The following ABCC2 variants were observed in gnomAD, a reference collection of about 807,000 sequenced individuals.
ABCC2 encodes ATP binding cassette subfamily C member 2.
Under a neutral mutation model 173.4 loss-of-function variants are expected in ABCC2, and 157 were observed. That is an observed-to-expected ratio of 0.91 (90% CI 0.80 to 1.03). The LOEUF (loss-of-function observed/expected upper bound fraction) is 1.03, where lower values mean the gene tolerates loss of function less well. ABCC2 is among the 50% of genes least tolerant of loss of function. The pLI, the probability that ABCC2 is intolerant of heterozygous loss-of-function variation, is 0.00. For missense variants in ABCC2, 1,822 were observed against 1,852.3 expected (o/e 0.98, Z 0.30); for synonymous variants, 657 against 693.5 (o/e 0.95, Z 0.83).
chr10:99,805,588 G>C, intron 11 of ABCC2, 141 bp downstream of exon 11: 4 of 843,232 alleles, frequency 4.7e-6, no homozygotes, highest in Non-Finnish European at 8.2e-6. Context: ...ATGTCCTCCT[G>C]TCCCTCTCAG....
rs559500916 is a variant in ABCC2 at position 99,814,109 on chromosome 10, A to G, written c.2094+965A>G. ...TATATACACATATATATACACACAT[A>G]TGTGTATATACACACATATGTGTGT... On this transcript the variant is annotated intron_variant, in intron 16 of 31. Transcript: ENST00000647814. Among the ~76,000 whole-genome samples the G allele has an allele frequency of 6.4e-4, 91 of 141,718 alleles. 17 individuals carry two copies. Among genetic ancestry groups the G allele is most frequent in the African/African-American group, 1.5e-3 (56 of 38,066 alleles). 93.0% of individuals were successfully genotyped at this position (141,718 alleles called of 152,430 possible). A position where few individuals can be genotyped will look rare whatever the true frequency, so the allele number is the denominator to read the frequency against.
intron 25 of ABCC2, among the ~76,000 whole-genome samples, chr10:99,838,146 C>T (rs1277760507): frequency 4.6e-3 from 366 of 80,116 alleles, no homozygotes; most frequent in African/African-American, 0.016. Context: ...GCTGGCCGGG[C>T]GGGGGGCTGA....
chr10:99,814,630 T>TGTGTATATACACACAC lies in ABCC2; in HGVS notation c.2094+1486_2094+1487insGTGTATATACACACAC, dbSNP rs1564685673. 4.2e-5 allele frequency among the ~76,000 whole-genome samples: 4 copies of TGTGTATATACACACAC among 94,552 alleles called. 1 individual carries two copies. The highest frequency in any genetic ancestry group is 1.3e-4 in the African/African-American group (3 of 23,686). 62.0% of individuals were successfully genotyped at this position (94,552 alleles called of 152,430 possible). Reference sequence around the variant, plus strand: ...ATGTGTATATACACATATACACACATATGTGTATATACACATATACACACA... The same window carrying TGTGTATATACACACAC: ...ATGTGTATATACACATATACACACATGTGTATATACACACACATGTGTATATACACATATACACACA... On this transcript the variant is annotated intron_variant, in intron 16 of 31. Coordinates refer to ENST00000647814, the MANE Select transcript of ABCC2 (RefSeq NM_000392.5).
chr10:99,799,483 C>G, intron 8 of ABCC2, 113 bp downstream of exon 8: 11 of 1,299,848 alleles, frequency 8.5e-6, no homozygotes, highest in Non-Finnish European at 1.1e-5. Context: ...TAAAAATGCT[C>G]GTAATTTTCT....
intron 2 of ABCC2, among the ~76,000 whole-genome samples, chr10:99,787,375 T>C (rs753083533): frequency 3.9e-5 from 6 of 152,236 alleles, no homozygotes; most frequent in Non-Finnish European, 5.9e-5. Flanking sequence ...TTTGATTGGC[T>C]TCTTTCACTT....
At chr10:99,851,333 A>G (rs1205372973) in intron 31 of ABCC2, among the ~76,000 whole-genome samples, 169 bp from the exon 32 acceptor site, 1 of 152,228 alleles carries the variant, frequency 6.6e-6, no homozygotes, top group Non-Finnish European at 1.5e-5. Flanking sequence ...TTTGTTCAAT[A>G]TTATTTGCAG....
chr10:99,832,262 T>A (rs928558854), intron 23 of ABCC2, 131 bp downstream of exon 23: 2 of 1,196,688 alleles, frequency 1.7e-6, no homozygotes, highest in African/African-American at 3.0e-5. Context: ...TGCAAGTGTT[T>A]CTTGAGTACC....
intron 1 of ABCC2, 120 bp downstream of exon 1, chr10:99,782,997 G>C (rs1456799352): frequency 2.1e-6 from 2 of 949,422 alleles, no homozygotes; most frequent in African/African-American, 3.2e-5. Flanking sequence ...TTGGTCTAAA[G>C]CTCAGGCTTT....
chr10:99,846,915 T>C, intron 29 of ABCC2, 46 bp from the exon 30 acceptor site: 1 of 1,611,870 alleles, frequency 6.2e-7, no homozygotes, highest in South Asian at 1.1e-5. Context: ...TCCGAGGTCC[T>C]TTTCTGGCAT....
intron 23 of ABCC2, among the ~76,000 whole-genome samples, chr10:99,834,150 G>C (rs1008648267): frequency 6.6e-6 from 1 of 152,156 alleles, no homozygotes; most frequent in Non-Finnish European, 1.5e-5. Flanking sequence ...GCAAAGTGCT[G>C]GGATTACAGG....
At position 99,797,111 on chromosome 10, in the gene ABCC2, G is replaced by T. The variant is rs1190693560; in HGVS notation, c.647G>T (p.Gly216Val). 6 of 1,614,102 alleles carry T rather than the reference G, an allele frequency of 3.7e-6. No individual in the cohort carries two copies. The Admixed American group carries it at 1.0e-4, about 27-fold the overall frequency. Residue 216 changes from glycine (G) to valine (V), a missense_variant, in exon 7 of 32, where the codon GGC (glycine) becomes GTC (valine). Transcript: ENST00000647814. ...TCTTGTTCCAGCATCATTCTGAAAG[G>T]CTACAAGCGTCCTCTGACACTCGAG... ...YSWYDSIILK[G>V]YKRPLTLEDV...
At position 99,784,760 on chromosome 10, in the gene ABCC2, C is replaced by T; in HGVS notation, c.186C>T (p.Thr62=). 6.2e-7 allele frequency: 1 copy of T among 1,614,136 alleles called. No homozygotes were observed. Among genetic ancestry groups the T allele is most frequent in the Non-Finnish European group, 8.5e-7 (1 of 1,180,022 alleles). The change falls in exon 2 of 32, where the codon ACC becomes ACT. Residue 62 remains threonine, a synonymous_variant. Coordinates refer to ENST00000647814, the MANE Select transcript of ABCC2 (RefSeq NM_000392.5). Reference sequence around the variant, plus strand: ...CCAGGACCAAGAGATCCTCTACCACCAAACTCTATCTTGCTAAGCAGGTAA... The same window carrying T: ...CCAGGACCAAGAGATCCTCTACCACTAAACTCTATCTTGCTAAGCAGGTAA... ...YKSRTKRSST[T]KLYLAKQVFV...
At chr10:99,792,795 G>A (rs1042119279) in intron 3 of ABCC2, among the ~76,000 whole-genome samples, 1 of 152,098 alleles carries the variant, frequency 6.6e-6, no homozygotes, top group Admixed American at 6.6e-5. Context: ...TTTTTTCAGG[G>A]GGTGGGGCCT....
intron 24 of ABCC2, among the ~76,000 whole-genome samples, chr10:99,835,457 C>G (rs2038805491): frequency 6.6e-6 from 1 of 152,128 alleles, no homozygotes. Flanking sequence ...AATCTAGTAG[C>G]AGCACGGACC....
At position 99,831,616 on chromosome 10, in the gene ABCC2, G is replaced by A. The variant is rs779260559; in HGVS notation, c.2889G>A (p.Lys963=). 8.1e-6 allele frequency: 13 copies of A among 1,613,898 alleles called. No individual in the cohort carries two copies. In the South Asian group the frequency reaches 1.1e-4, roughly 14 times the overall value. ...TTGAGGTGGGGACTTTGCAGGTGAA[G>A]TTCTCCATCTACCTGGAGTACCTAC... ...KKEFIETGKV[K]FSIYLEYLQA... is the part of the protein sequence containing the mutation. The change falls in exon 22 of 32, where the codon AAG becomes AAA. Residue 963 remains lysine (K), a synonymous_variant. Coordinates refer to ENST00000647814, the MANE Select transcript of ABCC2 (RefSeq NM_000392.5).
intron 6 of ABCC2, among the ~76,000 whole-genome samples, chr10:99,795,297 A>G (rs1590144698): frequency 6.6e-6 from 1 of 152,378 alleles, no homozygotes; most frequent in East Asian, 1.9e-4. Context: ...GTGATTTAGT[A>G]ATACAAGTAC....
Position 99,784,651 on chromosome 10 carries a change from G to C in ABCC2, c.77G>C (p.Cys26Ser). The change falls in exon 2 of 32, where the codon TGT becomes TCT. Residue 26 changes from cysteine (C) to serine (S), a missense_variant. Cys to Ser is a moderately radical substitution (Grantham distance 112, BLOSUM62 -1). Coordinates refer to ENST00000647814, the MANE Select transcript of ABCC2 (RefSeq NM_000392.5). ...LDSPEADLPL[C>S]FEQTVLVWIP... ...AGTCCGGAGGCAGACCTGCCACTTTGTTTTGAGCAAACTGTTCTGGTGTGG... is the reference window on the plus strand; with the variant it reads ...AGTCCGGAGGCAGACCTGCCACTTTCTTTTGAGCAAACTGTTCTGGTGTGG... 6.2e-7 allele frequency: 1 copy of C among 1,614,190 alleles called. No individual in the cohort carries two copies. The highest frequency in any genetic ancestry group is 8.5e-7 in the Non-Finnish European group (1 of 1,180,040).
At position 99,801,265 on chromosome 10, in the gene ABCC2, C is replaced by T. The variant is rs11190290; in HGVS notation, c.1209+702C>T. ...GTTTTGGTTGTTTTTGAGATGGAGT[C>T]TCGCTCTATCACCGAGGCTGGAGTG... On this transcript the variant is annotated intron_variant, in intron 9 of 31. Coordinates refer to ENST00000647814, the MANE Select transcript of ABCC2 (RefSeq NM_000392.5). Among the ~76,000 whole-genome samples the T allele has an allele frequency of 3.5e-4, 53 of 152,174 alleles. No homozygotes were observed. In the East Asian group the frequency reaches 0.01, roughly 29 times the overall value.
Position 99,843,852 on chromosome 10 carries a change from C to T in ABCC2, c.3795C>T (p.Asn1265=), listed in dbSNP as rs1270598845. The part of the protein sequence containing the change: ...LVRMTSEIET[N]IVAVERITEY... The stretch of plus-strand genomic sequence containing the variant: ...GGATGACATCAGAAATAGAGACCAA[C>T]ATTGTGGCTGTTGAGCGAATAACTG... Residue 1265 remains asparagine (N), a synonymous_variant, in exon 27 of 32, where the codon AAC becomes AAT. Coordinates refer to ENST00000647814, the MANE Select transcript of ABCC2 (RefSeq NM_000392.5). 2 of 1,614,170 alleles carry T rather than the reference C, an allele frequency of 1.2e-6. No homozygotes were observed. The highest frequency in any genetic ancestry group is 3.3e-4 in the Middle Eastern group (2 of 6,062).
Sources: allele counts gnomAD v4.1 joint callset (sites outside exome capture counted in the v4.1 genomes callset), GRCh38; gene constraint gnomAD v4.1.1; transcripts MANE v1.5; gene names NCBI Gene and HGNC (gene_info 2026-07-23, HGNC 2026-07-21).